Variants in ADAM22 observed in about 807,000 individuals in gnomAD.
The protein encoded by ADAM22 is ADAM metallopeptidase domain 22, also known as disintegrin and metalloproteinase domain-containing protein 22.
In ADAM22, 65 loss-of-function variants were observed where a neutral mutation model predicts 144.6. The observed-to-expected ratio is 0.45, with a 90% CI of 0.37 to 0.55. ADAM22 has a LOEUF of 0.55. Among genes scored for constraint, ADAM22 ranks in the 20% least tolerant of loss-of-function variants. The pLI, the probability that ADAM22 is intolerant of heterozygous loss-of-function variation, is 0.00. For missense variants in ADAM22, 974 were observed against 1,184.9 expected (o/e 0.82, Z 2.61); for synonymous variants, 391 against 412.6 (o/e 0.95, Z 0.63).
chr7:88,099,560 T>C (rs990323185), intron 4 of ADAM22, among the ~76,000 whole-genome samples: 1 of 152,218 alleles, frequency 6.6e-6, no homozygotes, highest in Non-Finnish European at 1.5e-5. Flanking sequence ...ATTGAAAGGA[T>C]AGTCCAGAAG....
intron 4 of ADAM22, among the ~76,000 whole-genome samples, chr7:88,095,499 A>G (rs1158418213): frequency 6.6e-6 from 1 of 152,212 alleles, no homozygotes; most frequent in Non-Finnish European, 1.5e-5. Context: ...CAAAATATGC[A>G]GTGAATATAA....
chr7:88,125,384 A>G (rs1158031948), intron 7 of ADAM22, among the ~76,000 whole-genome samples: 4 of 151,960 alleles, frequency 2.6e-5, no homozygotes, highest in South Asian at 2.1e-4. Context: ...AACAGAAATA[A>G]TGTTCTAGAT....
At chr7:88,112,132 A>G (rs913003632) in intron 5 of ADAM22, among the ~76,000 whole-genome samples, 1 of 152,198 alleles carries the variant, frequency 6.6e-6, no homozygotes, top group African/African-American at 2.4e-5. Flanking sequence ...TACGTTTTTG[A>G]AAGGCTCCCC....
chr7:87,936,871 T>TAG (rs551385782), intron 2 of ADAM22, among the ~76,000 whole-genome samples: 4,988 of 149,890 alleles, frequency 0.033, 138 homozygotes, highest in African/African-American at 0.077. Context: ...TATATATATA[T>TAG]AGAGAGAGAG....
intron 5 of ADAM22, among the ~76,000 whole-genome samples, chr7:88,113,724 A>ATATATATATAT (rs1826919094): frequency 3.4e-5 from 4 of 118,964 alleles, no homozygotes; most frequent in African/African-American, 1.0e-4. Flanking sequence ...ATATATATAT[A>ATATATATATAT]TATATATATA....
intron 5 of ADAM22, among the ~76,000 whole-genome samples, chr7:88,112,410 A>G (rs1326812424): frequency 1.3e-5 from 2 of 152,230 alleles, no homozygotes; most frequent in Non-Finnish European, 2.9e-5. Flanking sequence ...TAAATCTTCA[A>G]TGAAAGACAA....
At chr7:88,088,249 G>A (rs1818922769) in intron 4 of ADAM22, among the ~76,000 whole-genome samples, 1 of 152,184 alleles carries the variant, frequency 6.6e-6, no homozygotes, top group African/African-American at 2.4e-5. Flanking sequence ...CAAGGAGGAA[G>A]CCTGAGTTTT....
chr7:88,048,512 G>A (rs1211481375), intron 3 of ADAM22, among the ~76,000 whole-genome samples: 6 of 151,844 alleles, frequency 4.0e-5, no homozygotes, highest in African/African-American at 1.4e-4. Flanking sequence ...TAAAATACTT[G>A]TTTATGTTAG....
intron 14 of ADAM22, among the ~76,000 whole-genome samples, chr7:88,142,195 A>T (rs2129520111): frequency 6.6e-6 from 1 of 152,336 alleles, no homozygotes; most frequent in South Asian, 2.1e-4. Flanking sequence ...CTACATAACC[A>T]CTATACAACC....
At chr7:88,035,599 C>T (rs1801337614) in intron 3 of ADAM22, among the ~76,000 whole-genome samples, 2 of 152,214 alleles carry the variant, frequency 1.3e-5, no homozygotes. Context: ...CTGTTCTGAA[C>T]ATGTATTGAT....
intron 2 of ADAM22, among the ~76,000 whole-genome samples, chr7:87,958,252 C>T (rs890688786): frequency 2.6e-5 from 4 of 152,114 alleles, no homozygotes; most frequent in Non-Finnish European, 5.9e-5. Context: ...CTGTCAATTT[C>T]CCTGTATATT....
chr7:87,982,032 T>A (rs1853570232), intron 3 of ADAM22, among the ~76,000 whole-genome samples: 1 of 143,918 alleles, frequency 6.9e-6, no homozygotes, highest in African/African-American at 2.6e-5. Context: ...TTTGGAATCC[T>A]TATGTTTATT....
intron 3 of ADAM22, among the ~76,000 whole-genome samples, chr7:88,065,723 T>C (rs187183675): frequency 3.3e-5 from 5 of 152,240 alleles, no homozygotes; most frequent in African/African-American, 1.2e-4. Flanking sequence ...ATTTTTTAAA[T>C]TGCTTTAAAA....
In ADAM22 at chr7:88,150,982, G is replaced by A. The variant is rs1287993401; in HGVS notation, c.1568G>A (p.Cys523Tyr). The A allele has an allele frequency of 6.2e-7, 1 of 1,612,814 alleles. No homozygotes were observed. Residue 523 changes from cysteine (C) to tyrosine (Y), a missense_variant and splice_region_variant, in exon 19 of 32, where the codon TGT becomes TAT. Coordinates refer to ENST00000413139, the MANE Select transcript of ADAM22 (RefSeq NM_001324418.2). ...RETCSGNSSQ[C>Y]APNIHKMDGY... ...TCATAGTTGTTCTCTTTTTCCTAGT[G>A]TGCCCCTAATATTCATAAAATGGAT...
chr7:88,167,991 T>C, intron 24 of ADAM22, 146 bp from the exon 25 acceptor site: 2 of 670,392 alleles, frequency 3.0e-6, no homozygotes, highest in Admixed American at 6.1e-5. Flanking sequence ...ATTGCTGAAT[T>C]ATGGTTGATT....
chr7:88,143,047 C>T lies in ADAM22; in HGVS notation c.1242C>T (p.Phe414=), dbSNP rs1242434725. The change falls in exon 15 of 32, where the codon TTC becomes TTT. Residue 414 remains phenylalanine (F), a synonymous_variant. Transcript: ENST00000413139. ...GDTGYYLPKK[F]TQCNIEEYHD... ...ATAGCTATTATCTTCCTAAAAAGTT[C>T]ACCCAGTGTAATATTGAAGAGTATC... 2 of 1,610,344 alleles carry T rather than the reference C, an allele frequency of 1.2e-6. No homozygotes were observed. The highest frequency in any genetic ancestry group is 3.3e-5 in the Admixed American group (2 of 59,844).
At chr7:88,167,278 A>G in intron 24 of ADAM22, among the ~76,000 whole-genome samples, 1 of 152,154 alleles carries the variant, frequency 6.6e-6, no homozygotes, top group South Asian at 2.1e-4. Context: ...TGTCAGAGCC[A>G]GGCCTCATTC....
At position 88,202,210 on chromosome 7, in the gene ADAM22, T is replaced by C. The variant is rs1380453026; in HGVS notation, c.*5719T>C. ...AAAATGACTCAACACCTTTGTTTTGTATGGAAAACTTTTTTTTTTACACTA... is the reference window on the plus strand; with the variant it reads ...AAAATGACTCAACACCTTTGTTTTGCATGGAAAACTTTTTTTTTTACACTA... On this transcript the variant is annotated 3_prime_UTR_variant, in exon 32 of 32. Coordinates refer to ENST00000413139, the MANE Select transcript of ADAM22 (RefSeq NM_001324418.2). 6.6e-6 allele frequency: 1 copy of C among 152,164 alleles called. No homozygotes were observed. The highest frequency in any genetic ancestry group is 1.5e-5 in the Non-Finnish European group (1 of 68,026). 9.4% of individuals were successfully genotyped at this position (152,164 alleles called of 1,614,324 possible).
intron 10 of ADAM22, 30 bp from the exon 11 acceptor site, chr7:88,131,239 G>C (rs775058779): frequency 6.3e-7 from 1 of 1,586,100 alleles, no homozygotes; most frequent in Non-Finnish European, 8.6e-7. Flanking sequence ...CACATGTACA[G>C]CTGATGTGTT....
Sources: gnomAD v4.1 joint callset for allele counts (sites outside exome capture counted in the v4.1 genomes callset) on GRCh38, gnomAD v4.1.1 for gene constraint, MANE v1.5 for transcripts, NCBI Gene and HGNC (gene_info 2026-07-23, HGNC 2026-07-21) for gene names.